RIOK1: variants seen among roughly 807,000 people sequenced by gnomAD.
The protein encoded by RIOK1 is serine/threonine-protein kinase RIO1.
In RIOK1, 66 loss-of-function variants were observed where a neutral mutation model predicts 73.5. That is an observed-to-expected ratio of 0.90 (90% CI 0.74 to 1.10). RIOK1 has a LOEUF of 1.10. Among genes scored for constraint, RIOK1 ranks in the 50% least tolerant of loss-of-function variants. The pLI is 0.00. For synonymous variants in RIOK1, 224 were observed against 226.8 expected (o/e 0.99, Z 0.11); for missense variants, 658 against 699.8 (o/e 0.94, Z 0.67).
intron 5 of RIOK1, 111 bp from the exon 6 acceptor site, chr6:7,400,847 C>T (rs1443757646): frequency 1.8e-5 from 11 of 610,380 alleles, no homozygotes; most frequent in Non-Finnish European, 2.9e-5. Context: ...TTTAGTCAAC[C>T]AGGATAGCGT....
At chr6:7,398,001 G>T (rs1180304533) in intron 4 of RIOK1, among the ~76,000 whole-genome samples, 1 of 152,164 alleles carries the variant, frequency 6.6e-6, no homozygotes, top group Non-Finnish European at 1.5e-5. Flanking sequence ...AATTAGCCGG[G>T]CTTGGCGGCG....
At chr6:7,393,470 T>A (rs550287268) in intron 2 of RIOK1, among the ~76,000 whole-genome samples, 167 bp downstream of exon 2, 1 of 152,348 alleles carries the variant, frequency 6.6e-6, no homozygotes, top group South Asian at 2.1e-4. Context: ...TTTCTGTATT[T>A]CTGATAATTT....
At chr6:7,399,065 A>G (rs375707246) in intron 5 of RIOK1, among the ~76,000 whole-genome samples, 33 of 152,312 alleles carry the variant, frequency 2.2e-4, no homozygotes, top group African/African-American at 7.2e-4. Flanking sequence ...TAGGTAGGGT[A>G]TCTGCCACAA....
intron 14 of RIOK1, 126 bp downstream of exon 14, chr6:7,411,577 A>C: frequency 2.0e-6 from 2 of 979,746 alleles, no homozygotes; most frequent in Non-Finnish European, 3.1e-6. Context: ...TGAAATGACT[A>C]ACTCTATCTG....
chr6:7,404,849 G>T, intron 10 of RIOK1, 69 bp from the exon 11 acceptor site: 2 of 1,321,598 alleles, frequency 1.5e-6, no homozygotes, highest in Non-Finnish European at 2.2e-6. Flanking sequence ...TTTAAGAGTA[G>T]AATTTATTTT....
intron 12 of RIOK1, among the ~76,000 whole-genome samples, chr6:7,407,492 T>C (rs1304092449): frequency 6.6e-6 from 1 of 152,002 alleles, no homozygotes; most frequent in Non-Finnish European, 1.5e-5. Flanking sequence ...AATGTCTTTT[T>C]TTTTTTTTTT....
intron 1 of RIOK1, 46 bp downstream of exon 1, chr6:7,390,119 TGACC>T: frequency 6.6e-7 from 1 of 1,509,654 alleles, no homozygotes; most frequent in Non-Finnish European, 9.0e-7. Flanking sequence ...GCTCTCTCCT[TGACC>T]GCCCCCTTGG....
At chr6:7,391,830 C>G (rs1761350139) in intron 1 of RIOK1, among the ~76,000 whole-genome samples, 1 of 152,214 alleles carries the variant, frequency 6.6e-6, no homozygotes, top group South Asian at 2.1e-4. Context: ...TAACATGCCA[C>G]TCTAGGCAAT....
Position 7,416,433 on chromosome 6 carries a change from G to A in RIOK1, c.1597-898G>A, listed in dbSNP as rs554459671. Reference sequence around the variant, plus strand: ...GGAGGCCAAGGCAGGTGGATCACGAGGTCAGGAGATCGAGACCATCCTGGC... The same window carrying A: ...GGAGGCCAAGGCAGGTGGATCACGAAGTCAGGAGATCGAGACCATCCTGGC... On this transcript the variant is annotated intron_variant, in intron 16 of 16. Transcript: ENST00000379834. Among the ~76,000 whole-genome samples the A allele has an allele frequency of 7.2e-5, 11 of 152,318 alleles. No individual in the cohort carries two copies. In the South Asian group the frequency reaches 2.1e-3, roughly 29 times the overall value.
At chr6:7,398,552 A>T (rs1026909319) in intron 4 of RIOK1, 146 bp from the exon 5 acceptor site, 36 of 629,318 alleles carry the variant, frequency 5.7e-5, no homozygotes, top group Non-Finnish European at 1.1e-5. Context: ...TCACTGAGTA[A>T]TGAAAAATCT....
intron 16 of RIOK1, 116 bp downstream of exon 16, chr6:7,414,506 C>G: frequency 1.0e-6 from 1 of 966,702 alleles, no homozygotes; most frequent in Non-Finnish European, 1.5e-6. Context: ...TGATAAGTAC[C>G]TCTAATTACA....
chr6:7,414,908 C>T (rs915374918), intron 16 of RIOK1, among the ~76,000 whole-genome samples: 1 of 152,192 alleles, frequency 6.6e-6, no homozygotes, highest in Non-Finnish European at 1.5e-5. Flanking sequence ...CTCCTCCATC[C>T]TGCCTGGAAT....
intron 12 of RIOK1, among the ~76,000 whole-genome samples, chr6:7,409,783 C>G (rs1209292371): frequency 7.4e-6 from 1 of 134,710 alleles, no homozygotes; most frequent in African/African-American, 2.7e-5. Flanking sequence ...CACTGATTTT[C>G]GTGTCTAAAC....
At position 7,400,947 on chromosome 6, in the gene RIOK1, T is replaced by C. The variant is rs772673054; in HGVS notation, c.481-11T>C. On this transcript the variant is annotated splice_polypyrimidine_tract_variant and intron_variant, in intron 5 of 16. Transcript: ENST00000379834. Reference sequence around the variant, plus strand: ...CTTTTGGAACTTTTTAATTTTTGCATTTCTTTTTAGGTGTTGGATCCCAGA... The same window carrying C: ...CTTTTGGAACTTTTTAATTTTTGCACTTCTTTTTAGGTGTTGGATCCCAGA... 1 of 1,568,508 alleles carries C rather than the reference T, an allele frequency of 6.4e-7. No homozygotes were observed. The highest frequency in any genetic ancestry group is 1.2e-5 in the South Asian group (1 of 86,420).
At chr6:7,404,640 C>A in intron 10 of RIOK1, 85 bp downstream of exon 10, 3 of 1,476,192 alleles carry the variant, frequency 2.0e-6, no homozygotes, top group South Asian at 2.4e-5. Context: ...TCCAAGAAGT[C>A]ACACTAACTT....
intron 12 of RIOK1, 128 bp from the exon 13 acceptor site, chr6:7,410,234 TAACTTGTACCATTAGACCTCACTA>T: frequency 1.7e-6 from 1 of 588,304 alleles, no homozygotes; most frequent in Non-Finnish European, 3.1e-6. Context: ...GCTGGAAAGC[TAACTTGTACCATTAGACCTCACTA>T]AATGCTTTCC....
rs1417145042 is a variant in RIOK1 at position 7,404,401 on chromosome 6, A to G, written c.855-17A>G. ...AACTTGTTCTTGGTCATTTTATCTT[A>G]GTTCTTTTCATTCAAGGCCTGCACC... On this transcript the variant is annotated splice_polypyrimidine_tract_variant and intron_variant, in intron 9 of 16. Transcript: ENST00000379834. The G allele has an allele frequency of 3.7e-6, 6 of 1,613,522 alleles. No individual in the cohort carries two copies. In the South Asian group the frequency reaches 6.6e-5, roughly 18 times the overall value.
chr6:7,406,579 G>A (rs543193741), intron 12 of RIOK1, among the ~76,000 whole-genome samples: 1 of 152,250 alleles, frequency 6.6e-6, no homozygotes, highest in East Asian at 1.9e-4. Flanking sequence ...GAATCATATA[G>A]TATTTGTCTT....
chr6:7,396,592 A>T, intron 3 of RIOK1, 111 bp from the exon 4 acceptor site: 1 of 597,308 alleles, frequency 1.7e-6, no homozygotes, highest in Non-Finnish European at 3.0e-6. Context: ...ACAATAAAAC[A>T]TTTAGAAAGT....
Sources: allele counts gnomAD v4.1 joint callset (sites outside exome capture counted in the v4.1 genomes callset), GRCh38; gene constraint gnomAD v4.1.1; transcripts MANE v1.5; gene names NCBI Gene and HGNC (gene_info 2026-07-23, HGNC 2026-07-21).